Variants in ZRANB3 observed in about 807,000 individuals in gnomAD.
ZRANB3 encodes zinc finger RANBP2-type containing 3, also known as DNA annealing helicase and endonuclease ZRANB3.
Under a neutral mutation model 133.8 loss-of-function variants are expected in ZRANB3, and 125 were observed. The observed-to-expected ratio is 0.93, with a 90% confidence interval of 0.81 to 1.08. ZRANB3 has a LOEUF of 1.08. ZRANB3 is among the 50% of genes least tolerant of loss of function. ZRANB3 has a pLI of 0.00. For synonymous variants in ZRANB3, 387 were observed against 432.7 expected (o/e 0.89, Z 1.31); for missense variants, 1,229 against 1,275.5 (o/e 0.96, Z 0.56).
rs1688239632 is a variant in ZRANB3, at chr2:135,410,186, TA to T, written c.162-19367del. ...AGAGCCCCAATAGCCAAGGTAATTC[TA>T]AGCAAAAAGAACAAAGCTGGAGGCA... On this transcript the variant is annotated intron_variant, in intron 2 of 20. Transcript: ENST00000264159. Among the ~76,000 whole-genome samples the T allele has an allele frequency of 3.3e-5, 5 of 152,272 alleles. No homozygotes were observed. The East Asian group carries it at 9.6e-4, about 29-fold the overall frequency.
intron 2 of ZRANB3, among the ~76,000 whole-genome samples, chr2:135,493,108 TA>T (rs1210849237): frequency 0.022 from 3 of 134 alleles, no homozygotes; most frequent in African/African-American, 0.054. Context: ...AATATATATA[TA>T]TATATATATA....
intron 8 of ZRANB3, among the ~76,000 whole-genome samples, chr2:135,312,187 A>T (rs867142054): frequency 0.071 from 8,876 of 124,894 alleles, 499 homozygotes; most frequent in South Asian, 0.22. Context: ...ATTTTATTTT[A>T]TTTTTATTTT....
intron 2 of ZRANB3, among the ~76,000 whole-genome samples, chr2:135,395,018 T>C (rs980594932): frequency 2.7e-5 from 4 of 147,510 alleles, no homozygotes; most frequent in Non-Finnish European, 6.0e-5. Context: ...CTAAAACTTA[T>C]ATGGGACCAC....
intron 2 of ZRANB3, among the ~76,000 whole-genome samples, chr2:135,476,444 T>C (rs1691501028): frequency 6.6e-6 from 1 of 152,168 alleles, no homozygotes; most frequent in South Asian, 2.1e-4. Flanking sequence ...GAACAATCAA[T>C]AACTAGCAAA....
At chr2:135,217,304 T>C (rs983580358) in intron 17 of ZRANB3, among the ~76,000 whole-genome samples, 161 bp downstream of exon 17, 1 of 152,224 alleles carries the variant, frequency 6.6e-6, no homozygotes, top group South Asian at 2.1e-4. Flanking sequence ...ACTAGACATA[T>C]AATTATCTTG....
intron 2 of ZRANB3, among the ~76,000 whole-genome samples, chr2:135,408,910 G>C (rs1688174975): frequency 6.6e-6 from 1 of 151,986 alleles, no homozygotes; most frequent in South Asian, 2.1e-4. Context: ...CGCCAACATG[G>C]CACATGTATA....
chr2:135,261,627 T>C (rs2105107594), intron 12 of ZRANB3, among the ~76,000 whole-genome samples: 1 of 152,352 alleles, frequency 6.6e-6, no homozygotes, highest in South Asian at 2.1e-4. Flanking sequence ...TAAAATTGTG[T>C]ATACAAATAT....
chr2:135,431,710 A>G (rs909391309), intron 2 of ZRANB3, among the ~76,000 whole-genome samples: 5 of 152,236 alleles, frequency 3.3e-5, no homozygotes, highest in African/African-American at 9.6e-5. Context: ...CAATGTTGTC[A>G]TCATCTTTAG....
At chr2:135,260,034 A>G (rs1011422273) in intron 12 of ZRANB3, among the ~76,000 whole-genome samples, 3 of 152,240 alleles carry the variant, frequency 2.0e-5, no homozygotes, top group African/African-American at 7.2e-5. Flanking sequence ...AGATGAAGGC[A>G]GCAAAATGAA....
chr2:135,487,034 T>G (rs1380214219), intron 2 of ZRANB3, among the ~76,000 whole-genome samples: 1 of 152,244 alleles, frequency 6.6e-6, no homozygotes, highest in Non-Finnish European at 1.5e-5. Flanking sequence ...AATGTATTTC[T>G]TAAATATTAA....
chr2:135,311,093 T>C (rs763547801), intron 8 of ZRANB3, among the ~76,000 whole-genome samples: 20 of 152,058 alleles, frequency 1.3e-4, no homozygotes, highest in Admixed American at 9.2e-4. Context: ...GTAAAAGATA[T>C]ATATATTACA....
intron 2 of ZRANB3, among the ~76,000 whole-genome samples, chr2:135,467,053 G>T (rs1258967017): frequency 6.6e-6 from 1 of 152,118 alleles, no homozygotes; most frequent in Admixed American, 6.5e-5. Context: ...ATTTTACATG[G>T]TAGGTTTTCA....
chr2:135,355,397 T>C (rs1447789468), intron 3 of ZRANB3: 3 of 475,342 alleles, frequency 6.3e-6, no homozygotes, highest in South Asian at 9.0e-5. Context: ...GTTTCACTCT[T>C]GTTGCCCAGG....
intron 8 of ZRANB3, among the ~76,000 whole-genome samples, chr2:135,296,850 C>G (rs548401044): frequency 6.6e-6 from 1 of 152,240 alleles, no homozygotes; most frequent in Admixed American, 6.5e-5. Context: ...CACTCCAGAC[C>G]CTGTTTTCCT....
At chr2:135,335,891 CA>C (rs1217240534) in intron 6 of ZRANB3, among the ~76,000 whole-genome samples, 3 of 151,692 alleles carry the variant, frequency 2.0e-5, no homozygotes, top group East Asian at 1.9e-4. Context: ...TCATTACTTC[CA>C]GGGGGAAAAA....
chr2:135,516,170 T>C (rs978776293), intron 1 of ZRANB3, among the ~76,000 whole-genome samples: 15 of 152,156 alleles, frequency 9.9e-5, no homozygotes, highest in African/African-American at 3.1e-4. Flanking sequence ...TTTGAGCCTA[T>C]GTGTGTCTTT....
chr2:135,527,369 G>A (rs908931115), intron 1 of ZRANB3, among the ~76,000 whole-genome samples: 2 of 151,976 alleles, frequency 1.3e-5, no homozygotes, highest in African/African-American at 2.4e-5. Flanking sequence ...GACCAGCCTG[G>A]GCAACATGGT....
At chr2:135,276,422 A>G (rs919412968) in intron 8 of ZRANB3, among the ~76,000 whole-genome samples, 1 of 152,168 alleles carries the variant, frequency 6.6e-6, no homozygotes, top group Non-Finnish European at 1.5e-5. Flanking sequence ...ACAGGGGGAC[A>G]TATAGAACAA....
At chr2:135,483,332 T>G (rs1445368507) in intron 2 of ZRANB3, among the ~76,000 whole-genome samples, 1 of 152,238 alleles carries the variant, frequency 6.6e-6, no homozygotes, top group Non-Finnish European at 1.5e-5. Context: ...AACTTCTTCC[T>G]GGTCTAGTCT....
Sources: gnomAD v4.1 joint callset for allele counts (sites outside exome capture counted in the v4.1 genomes callset) on GRCh38, gnomAD v4.1.1 for gene constraint, MANE v1.5 for transcripts, NCBI Gene and HGNC (gene_info 2026-07-23, HGNC 2026-07-21) for gene names.